GRID2: variants seen among roughly 807,000 people sequenced by gnomAD.
The protein encoded by GRID2 is glutamate ionotropic receptor delta type subunit 2.
Under a neutral mutation model 114.8 loss-of-function variants are expected in GRID2, and 33 were observed. That is an observed-to-expected ratio of 0.29 (90% CI 0.22 to 0.38). The LOEUF (loss-of-function observed/expected upper bound fraction) is 0.38, where lower values mean the gene tolerates loss of function less well. GRID2 is among the 10% of genes least tolerant of loss of function. The pLI, the probability that GRID2 is intolerant of heterozygous loss-of-function variation, is 1.00. For missense variants in GRID2, 1,184 were observed against 1,257.7 expected (o/e 0.94, Z 0.89); for synonymous variants, 505 against 449.9 (o/e 1.12, Z -1.55).
At chr4:93,795,125 G>A (rs1734771225) in intron 1 of GRID2, among the ~76,000 whole-genome samples, 1 of 152,054 alleles carries the variant, frequency 6.6e-6, no homozygotes, top group Non-Finnish European at 1.5e-5. Context: ...CAGAATCATA[G>A]TTATGATATA....
chr4:92,935,477 C>T (rs1388083004), intron 2 of GRID2, among the ~76,000 whole-genome samples: 12 of 146,602 alleles, frequency 8.2e-5, no homozygotes, highest in East Asian at 6.5e-4. Context: ...GTCAGTGTGG[C>T]GCTTCCTCAG....
Position 92,782,008 on chromosome 4 carries a change from T to C in GRID2, c.244+191722T>C, listed in dbSNP as rs554935924. ...TACTTTCGGTATCCTTAATGCTTAG[T>C]ACAGTATCTGGATTTTAATGGAGGC... is the stretch of plus-strand genomic sequence containing the variant. On this transcript the variant is annotated intron_variant, in intron 2 of 15. Transcript: ENST00000282020. Among the ~76,000 whole-genome samples the C allele has an allele frequency of 2.6e-5, 4 of 152,214 alleles. No homozygotes were observed. The South Asian group carries it at 8.3e-4, about 32-fold the overall frequency.
intron 2 of GRID2, among the ~76,000 whole-genome samples, chr4:92,608,287 T>C (rs887239528): frequency 6.6e-6 from 1 of 151,760 alleles, no homozygotes; most frequent in African/African-American, 2.4e-5. Context: ...GCAAGTAAAA[T>C]TGAAGACTAA....
chr4:93,134,641 A>T (rs1170510098), intron 4 of GRID2, among the ~76,000 whole-genome samples: 2 of 151,838 alleles, frequency 1.3e-5, no homozygotes, highest in African/African-American at 4.8e-5. Context: ...ATTTTTTTTT[A>T]CCTTTATGCA....
At chr4:93,693,659 C>G (rs1041747400) in intron 14 of GRID2, among the ~76,000 whole-genome samples, 1 of 152,088 alleles carries the variant, frequency 6.6e-6, no homozygotes, top group Non-Finnish European at 1.5e-5. Flanking sequence ...AATTGAAGTG[C>G]TGTGGTAAAT....
At chr4:93,020,592 G>A (rs1233863131) in intron 2 of GRID2, among the ~76,000 whole-genome samples, 2 of 152,098 alleles carry the variant, frequency 1.3e-5, no homozygotes, top group Non-Finnish European at 2.9e-5. Context: ...GTTTAAAATG[G>A]AATTATTTTT....
rs367952548 is a variant in GRID2, at chr4:93,679,594, C to G, written c.2360+53159C>G. On this transcript the variant is annotated intron_variant, in intron 14 of 15. Transcript: ENST00000282020. ...ACAAACTGTCTCTCAGACCACAGTG[C>G]AATCAAACTAGAACTCAGGATTAAG... 9.3e-5 allele frequency among the ~76,000 whole-genome samples: 14 copies of G among 150,986 alleles called. No homozygotes were observed. The East Asian group carries it at 2.1e-3, about 23-fold the overall frequency.
chr4:92,758,133 T>G (rs1416747036), intron 2 of GRID2, among the ~76,000 whole-genome samples: 1 of 152,072 alleles, frequency 6.6e-6, no homozygotes, highest in East Asian at 1.9e-4. Flanking sequence ...GATTGGTAGA[T>G]CTGGTATTGG....
At chr4:92,337,962 G>T (rs959141817) in intron 1 of GRID2, among the ~76,000 whole-genome samples, 1 of 152,132 alleles carries the variant, frequency 6.6e-6, no homozygotes, top group South Asian at 2.1e-4. Flanking sequence ...GTGCATATGT[G>T]TGTGTCTGTG....
chr4:93,086,873 C>T (rs1306518669), intron 3 of GRID2, among the ~76,000 whole-genome samples: 1 of 151,884 alleles, frequency 6.6e-6, no homozygotes, highest in African/African-American at 2.4e-5. Context: ...TTATTTGTGG[C>T]CTTTATAACT....
intron 2 of GRID2, among the ~76,000 whole-genome samples, chr4:92,872,504 G>A (rs539070944): frequency 1.3e-5 from 2 of 152,038 alleles, no homozygotes; most frequent in East Asian, 1.9e-4. Flanking sequence ...AGAATTAAAT[G>A]ATGGAAATTG....
chr4:93,477,257 T>A (rs1267752294), intron 11 of GRID2, among the ~76,000 whole-genome samples: 2 of 152,272 alleles, frequency 1.3e-5, no homozygotes, highest in Non-Finnish European at 2.9e-5. Context: ...GATATTAATC[T>A]ATTCATGAGT....
At position 93,648,642 on chromosome 4, in the gene GRID2, A is replaced by G. The variant is rs542354381; in HGVS notation, c.2360+22207A>G. Reference sequence around the variant, plus strand: ...ATCAGGATCACCTGAACGGTCTGTTAAAACACATTTCTGGGCTCCAGCCCC... The same window carrying G: ...ATCAGGATCACCTGAACGGTCTGTTGAAACACATTTCTGGGCTCCAGCCCC... On this transcript the variant is annotated intron_variant, in intron 14 of 15. Coordinates refer to ENST00000282020, the MANE Select transcript of GRID2 (RefSeq NM_001510.4). Among the ~76,000 whole-genome samples, 229 of 152,332 alleles carry G rather than the reference A, an allele frequency of 1.5e-3. 1 individual carries two copies. The highest frequency in any genetic ancestry group is 2.4e-3 in the Non-Finnish European group (163 of 68,030).
intron 2 of GRID2, among the ~76,000 whole-genome samples, chr4:92,935,285 G>T (rs1171985992): frequency 1.4e-5 from 2 of 147,080 alleles, no homozygotes; most frequent in Non-Finnish European, 3.0e-5. Context: ...CATGAAAAAA[G>T]GCTCACTATC....
intron 14 of GRID2, among the ~76,000 whole-genome samples, chr4:93,758,711 T>C (rs924583619): frequency 6.6e-6 from 1 of 152,200 alleles, no homozygotes; most frequent in Admixed American, 6.5e-5. Context: ...TATGAAAATA[T>C]ACATAAATGC....
At chr4:93,481,215 G>A (rs73839547) in intron 11 of GRID2, among the ~76,000 whole-genome samples, 8 of 152,010 alleles carry the variant, frequency 5.3e-5, no homozygotes, top group African/African-American at 1.9e-4. Flanking sequence ...GAAGAGATCC[G>A]TGAAATTTCC....
At chr4:93,167,710 A>G (rs538860616) in intron 4 of GRID2, among the ~76,000 whole-genome samples, 3 of 151,844 alleles carry the variant, frequency 2.0e-5, no homozygotes, top group East Asian at 1.9e-4. Context: ...ATTAATTTAT[A>G]TATGAGTTAT....
intron 2 of GRID2, among the ~76,000 whole-genome samples, chr4:92,803,456 T>G (rs2149373842): frequency 6.6e-6 from 1 of 152,146 alleles, no homozygotes; most frequent in South Asian, 2.1e-4. Flanking sequence ...TATTTTGATG[T>G]CATTTTTGTT....
At chr4:92,816,531 G>C (rs1166773330) in intron 2 of GRID2, among the ~76,000 whole-genome samples, 2 of 151,980 alleles carry the variant, frequency 1.3e-5, no homozygotes, top group Non-Finnish European at 2.9e-5. Flanking sequence ...GTTTGGTAAA[G>C]GTTTCCACAA....
Sources: allele counts gnomAD v4.1 joint callset (sites outside exome capture counted in the v4.1 genomes callset), GRCh38; gene constraint gnomAD v4.1.1; transcripts MANE v1.5; gene names NCBI Gene and HGNC (gene_info 2026-07-23, HGNC 2026-07-21).